MECOM: variants seen among roughly 807,000 people sequenced by gnomAD.
MECOM encodes the protein histone-lysine N-methyltransferase MECOM.
MECOM carries 13 observed loss-of-function variants against 116.3 expected under a neutral mutation model. The observed-to-expected ratio is 0.11, with a 90% CI of 0.07 to 0.18. The LOEUF is 0.18. Ranked by LOEUF, MECOM falls within the 10% of genes least tolerant of loss-of-function variation. The pLI is 1.00. For missense variants in MECOM, 1,299 were observed against 1,509.0 expected, an observed-to-expected ratio of 0.86 and a Z score of 2.31; for synonymous variants, 528 against 535.2, an observed-to-expected ratio of 0.99 and a Z score of 0.19.
At chr3:169,293,867 T>C (rs1560097930) in intron 2 of MECOM, among the ~76,000 whole-genome samples, 1 of 152,186 alleles carries the variant, frequency 6.6e-6, no homozygotes, top group East Asian at 1.9e-4. Context: ...CTAGCCCCAG[T>C]AACAGGTGAG....
intron 1 of MECOM, among the ~76,000 whole-genome samples, chr3:169,412,821 T>C (rs73879065): frequency 0.024 from 3,557 of 150,496 alleles, 131 homozygotes; most frequent in African/African-American, 0.082. Context: ...TTTCAAATGA[T>C]TGGAACAATC....
intron 2 of MECOM, among the ~76,000 whole-genome samples, chr3:169,241,379 G>A (rs1754792545): frequency 6.6e-6 from 1 of 152,072 alleles, no homozygotes; most frequent in African/African-American, 2.4e-5. Flanking sequence ...GGGTTCATGA[G>A]CTCTTAGAAA....
chr3:169,594,372 T>C (rs1766874598), intron 1 of MECOM, among the ~76,000 whole-genome samples: 2 of 152,062 alleles, frequency 1.3e-5, no homozygotes, highest in African/African-American at 4.8e-5. Flanking sequence ...TTAGAGTTCT[T>C]GTCCCTAAAG....
intron 1 of MECOM, among the ~76,000 whole-genome samples, chr3:169,525,284 A>C (rs573370900): frequency 1.3e-5 from 2 of 152,370 alleles, no homozygotes; most frequent in East Asian, 3.9e-4. Context: ...ATTGGAAATA[A>C]AAAAGTATAT....
At chr3:169,227,802 T>C (rs1338529090) in intron 2 of MECOM, among the ~76,000 whole-genome samples, 1 of 152,154 alleles carries the variant, frequency 6.6e-6, no homozygotes, top group Non-Finnish European at 1.5e-5. Context: ...ATTCAAGATG[T>C]GTTTTCAGAA....
At chr3:169,654,631 A>G (rs1195134260) in intron 1 of MECOM, among the ~76,000 whole-genome samples, 2 of 152,240 alleles carry the variant, frequency 1.3e-5, no homozygotes, top group Non-Finnish European at 1.5e-5. Flanking sequence ...TTAGTGAGAA[A>G]TAAGAAAGAA....
Position 169,147,548 on chromosome 3 carries a change from AG to A in MECOM, c.376-3717del, listed in dbSNP as rs1740280832. The A allele has an allele frequency of 3.0e-6, 3 of 985,484 alleles. No homozygotes were observed. The Admixed American group carries it at 1.8e-4, about 60-fold the overall frequency. 61.0% of individuals were successfully genotyped at this position (985,484 alleles called of 1,614,324 possible). On this transcript the variant is annotated intron_variant, in intron 2 of 16. Transcript: ENST00000651503. Reference sequence around the variant, plus strand: ...TCCTCTGGCGGGAGAGGTCACAAAAAGGTCGCCAAGACCCAAGTCCTATAGG... The same window carrying A: ...TCCTCTGGCGGGAGAGGTCACAAAAAGTCGCCAAGACCCAAGTCCTATAGG...
chr3:169,503,878 T>C (rs1471385325), intron 1 of MECOM, among the ~76,000 whole-genome samples: 2 of 152,174 alleles, frequency 1.3e-5, no homozygotes, highest in Non-Finnish European at 2.9e-5. Context: ...CTAGTAGCAC[T>C]GTAACATAGA....
chr3:169,149,935 C>CTCTCTGTGTG (rs1226990755), intron 2 of MECOM, among the ~76,000 whole-genome samples: 8 of 131,310 alleles, frequency 6.1e-5, no homozygotes, highest in Non-Finnish European at 1.3e-4. Context: ...TTCTCTCTCT[C>CTCTCTGTGTG]TGTGTGTGTG....
chr3:169,208,930 G>T (rs1223835225), intron 2 of MECOM, among the ~76,000 whole-genome samples: 1 of 148,632 alleles, frequency 6.7e-6, no homozygotes, highest in Non-Finnish European at 1.5e-5. Context: ...ATGTCACATT[G>T]CTTGACTTCA....
intron 1 of MECOM, among the ~76,000 whole-genome samples, chr3:169,572,743 G>T (rs891951098): frequency 1.3e-5 from 2 of 151,980 alleles, no homozygotes; most frequent in African/African-American, 4.8e-5. Flanking sequence ...ACCAAATATC[G>T]CATATATTCT....
chr3:169,609,094 CA>C (rs1560489979), intron 1 of MECOM, among the ~76,000 whole-genome samples: 1 of 152,162 alleles, frequency 6.6e-6, no homozygotes, highest in Admixed American at 6.5e-5. Flanking sequence ...GCAGACATTA[CA>C]AAAGCCATAT....
rs539840366 is a variant in MECOM at position 169,487,774 on chromosome 3, G to T, written c.38-106250C>A. ...TATGTGTTATTTGGAAGAGATATAT[G>T]CAAAAAAGGGAGGGGGCGGGAGGGT... is the stretch of plus-strand genomic sequence containing the variant. On this transcript the variant is annotated intron_variant, in intron 1 of 16. Coordinates refer to ENST00000651503, the MANE Select transcript of MECOM (RefSeq NM_004991.4). 1.6e-3 allele frequency among the ~76,000 whole-genome samples: 141 copies of T among 85,878 alleles called. 1 individual carries two copies. Among genetic ancestry groups the T allele is most frequent in the African/African-American group, 5.8e-3 (135 of 23,310 alleles). 56.3% of individuals were successfully genotyped at this position (85,878 alleles called of 152,430 possible). A position where few individuals can be genotyped will look rare whatever the true frequency, so the allele number is the denominator to read the frequency against.
chr3:169,631,568 G>A (rs1418905247), intron 1 of MECOM, among the ~76,000 whole-genome samples: 8 of 150,214 alleles, frequency 5.3e-5, no homozygotes, highest in East Asian at 4.0e-4. Context: ...CCATTAACTC[G>A]TCATTTAGCA....
intron 1 of MECOM, among the ~76,000 whole-genome samples, chr3:169,643,049 A>G (rs186452447): frequency 9.8e-5 from 15 of 152,334 alleles, no homozygotes; most frequent in Non-Finnish European, 1.5e-5. Context: ...AGAGCAAAAA[A>G]TATCTACAAA....
rs1357604639 is a variant in MECOM at position 169,315,771 on chromosome 3, A to G, written c.375+65416T>C. Among the ~76,000 whole-genome samples, 4 of 152,182 alleles carry G rather than the reference A, an allele frequency of 2.6e-5. No homozygotes were observed. The East Asian group carries it at 7.7e-4, about 29-fold the overall frequency. On this transcript the variant is annotated intron_variant, in intron 2 of 16. Coordinates refer to ENST00000651503, the MANE Select transcript of MECOM (RefSeq NM_004991.4). Reference sequence around the variant, plus strand: ...CAAAGGAATCAAATATCATCTAGCGATGGCATATATCTATTCCATGAATGT... The same window carrying G: ...CAAAGGAATCAAATATCATCTAGCGGTGGCATATATCTATTCCATGAATGT...
chr3:169,207,589 C>A (rs1028297023), intron 2 of MECOM, among the ~76,000 whole-genome samples: 3 of 152,122 alleles, frequency 2.0e-5, no homozygotes, highest in Admixed American at 1.3e-4. Context: ...CATATAAGTA[C>A]ATATGTGTAT....
chr3:169,277,856 C>T (rs1357560501), intron 2 of MECOM, among the ~76,000 whole-genome samples: 1 of 152,186 alleles, frequency 6.6e-6, no homozygotes, highest in East Asian at 1.9e-4. Context: ...GACTTCCAAC[C>T]AGGGTTTCTC....
intron 8 of MECOM, among the ~76,000 whole-genome samples, chr3:169,114,975 C>G (rs972262132): frequency 6.6e-6 from 1 of 152,134 alleles, no homozygotes; most frequent in Non-Finnish European, 1.5e-5. Flanking sequence ...AGAGTGGACT[C>G]TTGCTGTTAG....
Sources: allele counts gnomAD v4.1 joint callset (sites outside exome capture counted in the v4.1 genomes callset), GRCh38; gene constraint gnomAD v4.1.1; transcripts MANE v1.5; gene names NCBI Gene and HGNC (gene_info 2026-07-23, HGNC 2026-07-21).